Variants in GRM4 observed in about 807,000 individuals in gnomAD.
GRM4 encodes metabotropic glutamate receptor 4.
Under a neutral mutation model 81.7 loss-of-function variants are expected in GRM4, and 28 were observed. The ratio of observed to expected loss-of-function variants is 0.34; its 90% CI spans 0.25 to 0.47. GRM4 has a LOEUF of 0.47. Among genes scored for constraint, GRM4 ranks in the 20% least tolerant of loss-of-function variants. The pLI is 1.00. For missense variants in GRM4, 948 were observed against 1,290.0 expected (o/e 0.73, Z 4.06); for synonymous variants, 488 against 528.8 (o/e 0.92, Z 1.06).
At chr6:34,049,236 C>A (rs1765496462) in intron 6 of GRM4, among the ~76,000 whole-genome samples, 1 of 152,134 alleles carries the variant, frequency 6.6e-6, no homozygotes, top group Non-Finnish European at 1.5e-5. Flanking sequence ...AATCGCCCCC[C>A]AGGTGGCTAA....
At chr6:34,082,700 T>G (rs1039188765) in intron 3 of GRM4, among the ~76,000 whole-genome samples, 1 of 152,260 alleles carries the variant, frequency 6.6e-6, no homozygotes, top group African/African-American at 2.4e-5. Flanking sequence ...CTCGGTGCAG[T>G]GCCCGGCCCA....
intron 2 of GRM4, among the ~76,000 whole-genome samples, chr6:34,118,092 G>A (rs997836445): frequency 6.6e-6 from 1 of 152,210 alleles, no homozygotes; most frequent in Non-Finnish European, 1.5e-5. Context: ...CAGAAAAAGG[G>A]CTGGAAGGAA....
intron 2 of GRM4, among the ~76,000 whole-genome samples, chr6:34,108,214 G>A (rs944612505): frequency 6.6e-6 from 1 of 152,222 alleles, no homozygotes; most frequent in Admixed American, 6.5e-5. Context: ...CTCACCGCAT[G>A]ACCTCAAACC....
Position 34,133,776 on chromosome 6 carries a change from G to C in GRM4, c.-280C>G, listed in dbSNP as rs1170773170. On this transcript the variant is annotated 5_prime_UTR_variant, in exon 2 of 11. It introduces an in-frame stop codon into an upstream open reading frame of the 5' UTR. Transcript: ENST00000538487. This position sits in a 1 kb window ranked among gnomAD's most constrained non-coding sequence, Gnocchi z 6.5. ...TCCTGCAGGCCTGTTCTCGGTGGAT[G>C]ACTGTGGAAAGGGCAGAATGCTCCT... The C allele has an allele frequency of 3.3e-6, 4 of 1,212,658 alleles. No individual in the cohort carries two copies. Among genetic ancestry groups the C allele is most frequent in the Middle Eastern group, 3.2e-4 (1 of 3,164 alleles). 75.1% of individuals were successfully genotyped at this position (1,212,658 alleles called of 1,614,324 possible). A position where few individuals can be genotyped will look rare whatever the true frequency, so the allele number is the denominator to read the frequency against.
At chr6:34,128,082 T>G (rs546357275) in intron 2 of GRM4, among the ~76,000 whole-genome samples, 3 of 152,276 alleles carry the variant, frequency 2.0e-5, no homozygotes, top group South Asian at 2.1e-4. Flanking sequence ...CATTTCGTGA[T>G]AGCAAGAAAT....
At chr6:34,147,473 T>C (rs1770961286), upstream of GRM4, among the ~76,000 whole-genome samples, 1 of 152,238 alleles carries the variant, frequency 6.6e-6, no homozygotes, top group Non-Finnish European at 1.5e-5. Context: ...ACAGCCTGCC[T>C]GGGTTCAAAC....
chr6:34,044,423 TACACAC>T (rs1203351509), intron 6 of GRM4, among the ~76,000 whole-genome samples: 1 of 113,508 alleles, frequency 8.8e-6, no homozygotes, highest in Admixed American at 8.5e-5. Context: ...GACACACACA[TACACAC>T]AGACATACAT....
At chr6:34,113,510 C>T (rs1343496883) in intron 2 of GRM4, among the ~76,000 whole-genome samples, 1 of 152,176 alleles carries the variant, frequency 6.6e-6, no homozygotes, top group Non-Finnish European at 1.5e-5. Context: ...ATAAGGAAAA[C>T]AGATGCGGGT....
At chr6:34,039,813 G>GC (rs1220092062) in intron 8 of GRM4, among the ~76,000 whole-genome samples, 45 of 91,966 alleles carry the variant, frequency 4.9e-4, no homozygotes, top group South Asian at 1.0e-3. Context: ...ATTCCCCCAT[G>GC]CCCCCCCCAT....
intron 2 of GRM4, among the ~76,000 whole-genome samples, chr6:34,100,473 C>T (rs1239791489): frequency 1.3e-5 from 2 of 152,240 alleles, no homozygotes; most frequent in African/African-American, 2.4e-5. Flanking sequence ...CCCTTTGCCT[C>T]AGCTGCTCCT....
chr6:34,104,353 G>A (rs1166812603), intron 2 of GRM4, among the ~76,000 whole-genome samples: 1 of 152,224 alleles, frequency 6.6e-6, no homozygotes, highest in African/African-American at 2.4e-5. Context: ...GAGGCTACTG[G>A]AGTGTTCGTG....
chr6:34,138,986 G>T (rs937984671), intron 1 of GRM4, among the ~76,000 whole-genome samples: 1 of 152,218 alleles, frequency 6.6e-6, no homozygotes, highest in Non-Finnish European at 1.5e-5. Flanking sequence ...CTATAAGGAG[G>T]CATCTTGGAA....
At chr6:34,119,855 C>T (rs776120803) in intron 2 of GRM4, among the ~76,000 whole-genome samples, 4 of 152,136 alleles carry the variant, frequency 2.6e-5, no homozygotes, top group Admixed American at 6.5e-5. Context: ...GGGCAGAATG[C>T]GGGAGCCATA....
chr6:34,151,704 C>T (rs559811849), intron 1 of GRM4, among the ~76,000 whole-genome samples: 4 of 136,776 alleles, frequency 2.9e-5, no homozygotes, highest in African/African-American at 5.2e-5. Context: ...CTGCCCACCC[C>T]GCCCCCACCC....
chr6:34,138,373 G>A (rs1261859768), intron 1 of GRM4, among the ~76,000 whole-genome samples: 1 of 152,232 alleles, frequency 6.6e-6, no homozygotes, highest in Non-Finnish European at 1.5e-5. Flanking sequence ...TGTCTCTGCA[G>A]GGCCCACCCA....
In GRM4 at chr6:34,124,043, C is replaced by T. The variant is rs1221602595; in HGVS notation, c.519+8935G>A. 3.9e-5 allele frequency among the ~76,000 whole-genome samples: 6 copies of T among 152,326 alleles called. No individual in the cohort carries two copies. The South Asian group carries it at 1.0e-3, about 26-fold the overall frequency. ...TCTCACCTCCGTGGCTTCACAAGGG[C>T]TGCTCAGGGACCATCTGCCCACTTT... On this transcript the variant is annotated intron_variant, in intron 2 of 10. Coordinates refer to ENST00000538487, the MANE Select transcript of GRM4 (RefSeq NM_000841.4).
chr6:34,103,403 G>T (rs536981752), intron 2 of GRM4, among the ~76,000 whole-genome samples: 1 of 152,348 alleles, frequency 6.6e-6, no homozygotes, highest in South Asian at 2.1e-4. Context: ...GTACGGAGGG[G>T]AGAGCCTCGG....
intron 2 of GRM4, among the ~76,000 whole-genome samples, chr6:34,122,903 T>C (rs1438686702): frequency 6.6e-6 from 1 of 152,158 alleles, no homozygotes; most frequent in Non-Finnish European, 1.5e-5. Context: ...TAAGTCCTGC[T>C]GGATTCGAGT....
intron 2 of GRM4, chr6:34,103,710 T>C: frequency 6.6e-7 from 1 of 1,523,048 alleles, no homozygotes. Flanking sequence ...TGCCCCCTTT[T>C]CCAAGGAGGG....
Sources: allele counts gnomAD v4.1 joint callset (sites outside exome capture counted in the v4.1 genomes callset), GRCh38; gene constraint gnomAD v4.1.1; non-coding constraint Gnocchi (gnomAD v3.1); transcripts MANE v1.5; gene names NCBI Gene and HGNC (gene_info 2026-07-23, HGNC 2026-07-21).